RUFY3: variants seen among roughly 807,000 people sequenced by gnomAD.
RUFY3 encodes RUN and FYVE domain containing 3, also known as protein RUFY3.
In RUFY3, 34 loss-of-function variants were observed where a neutral mutation model predicts 84.0. The observed-to-expected ratio is 0.40, with a 90% confidence interval of 0.31 to 0.54. The LOEUF (loss-of-function observed/expected upper bound fraction) is 0.54, where lower values mean the gene tolerates loss of function less well. Ranked by LOEUF, RUFY3 falls within the 20% of genes least tolerant of loss-of-function variation. RUFY3 has a pLI of 0.39. For missense variants in RUFY3, 507 were observed against 736.8 expected (o/e 0.69, Z 3.61); for synonymous variants, 242 against 252.9 (o/e 0.96, Z 0.41).
chr4:70,789,814 A>C, intron 12 of RUFY3: 1 of 1,187,208 alleles, frequency 8.4e-7, no homozygotes. Context: ...AAAAAAAAAA[A>C]AGAAAGGTCA....
rs375178574 is a variant in RUFY3, at chr4:70,762,643, C to G, written c.303C>G (p.Leu101=). The change falls in exon 2 of 18, where the codon CTC becomes CTG. Residue 101 remains leucine, a synonymous_variant. Coordinates refer to ENST00000381006, the MANE Select transcript of RUFY3 (RefSeq NM_001037442.4). Reference sequence around the variant, plus strand: ...CTCTTGACTCTGACTATGCACCTCTCCAGCAATTCTTTGTGGTGATGGAGC... The same window carrying G: ...CTCTTGACTCTGACTATGCACCTCTGCAGCAATTCTTTGTGGTGATGGAGC... ...GRTLDSDYAP[L]QQFFVVMEHC... 13 of 1,613,842 alleles carry G rather than the reference C, an allele frequency of 8.1e-6. No homozygotes were observed. The highest frequency in any genetic ancestry group is 1.1e-5 in the Non-Finnish European group (13 of 1,179,952).
At chr4:70,774,644 A>AAAAAAAATATATATATATATAT (rs1553916771) in intron 6 of RUFY3, among the ~76,000 whole-genome samples, 1 of 56,676 alleles carries the variant, frequency 1.8e-5, no homozygotes, top group African/African-American at 8.4e-5. Context: ...AAAAAAAAAA[A>AAAAAAAATATATATATATATAT]ATATATATAT....
intron 12 of RUFY3, chr4:70,789,974 T>A: frequency 1.2e-6 from 1 of 839,854 alleles, no homozygotes; most frequent in Non-Finnish European, 1.4e-6. Flanking sequence ...TTTGAATACT[T>A]GGATGCTAGG....
chr4:70,784,703 AT>A, intron 9 of RUFY3, 92 bp from the exon 10 acceptor site: 1 of 693,500 alleles, frequency 1.4e-6, no homozygotes, highest in East Asian at 3.1e-5. Flanking sequence ...CTGCTTCAGT[AT>A]GATCTTTTTT....
At chr4:70,762,069 ACT>A (rs1285019776) in intron 1 of RUFY3, among the ~76,000 whole-genome samples, 1 of 152,032 alleles carries the variant, frequency 6.6e-6, no homozygotes, top group Non-Finnish European at 1.5e-5. Flanking sequence ...TTATCCCAAC[ACT>A]CTGGGAGGTC....
intron 1 of RUFY3, among the ~76,000 whole-genome samples, chr4:70,728,905 C>G (rs1374899671): frequency 1.4e-5 from 2 of 147,870 alleles, no homozygotes; most frequent in Non-Finnish European, 3.0e-5. Flanking sequence ...TTAAATGAGG[C>G]CTTGAGATTT....
rs574938347 is a variant in RUFY3, at chr4:70,756,103, G to A, written c.179-6416G>A. The stretch of plus-strand genomic sequence containing the variant: ...GATCTGCACCATCGTCCATCTAATC[G>A]CCAAAACTACAAATAGGGAAGTTAC... On this transcript the variant is annotated intron_variant, in intron 1 of 17. Coordinates refer to ENST00000381006, the MANE Select transcript of RUFY3 (RefSeq NM_001037442.4). Among the ~76,000 whole-genome samples the A allele has an allele frequency of 1.1e-4, 16 of 152,010 alleles. No homozygotes were observed. The South Asian group carries it at 3.1e-3, about 30-fold the overall frequency.
At chr4:70,745,762 G>A (rs936469746) in intron 1 of RUFY3, among the ~76,000 whole-genome samples, 7 of 152,090 alleles carry the variant, frequency 4.6e-5, no homozygotes, top group East Asian at 3.9e-4. Context: ...GTGCCACATC[G>A]TCATTCAATA....
chr4:70,766,715 C>G (rs1254927893), intron 4 of RUFY3, among the ~76,000 whole-genome samples: 1 of 152,140 alleles, frequency 6.6e-6, no homozygotes, highest in African/African-American at 2.4e-5. Flanking sequence ...ATTGATGAAC[C>G]TACATTGACA....
At chr4:70,732,036 T>A (rs780870314) in intron 1 of RUFY3, among the ~76,000 whole-genome samples, 5 of 152,246 alleles carry the variant, frequency 3.3e-5, no homozygotes, top group Non-Finnish European at 7.3e-5. Flanking sequence ...CCAGTCAGAC[T>A]GTGCTTCAGT....
chr4:70,783,058 G>A, intron 8 of RUFY3, 33 bp from the exon 9 acceptor site: 1 of 1,290,212 alleles, frequency 7.8e-7, no homozygotes, highest in Admixed American at 1.9e-5. Context: ...ATTTTAAAAA[G>A]ATAAAAGATT....
chr4:70,705,884 C>A (rs971903333), intron 1 of RUFY3, among the ~76,000 whole-genome samples: 1 of 152,164 alleles, frequency 6.6e-6, no homozygotes, highest in African/African-American at 2.4e-5. Context: ...GATCCGTCCC[C>A]CGGATTGGAA....
chr4:70,716,256 C>T (rs977254736), intron 1 of RUFY3, among the ~76,000 whole-genome samples: 7 of 152,078 alleles, frequency 4.6e-5, no homozygotes, highest in Non-Finnish European at 1.0e-4. Flanking sequence ...AGCAATTCTC[C>T]TGCTTCAGTC....
At chr4:70,790,542 C>A (rs573481016) in intron 12 of RUFY3, among the ~76,000 whole-genome samples, 1 of 152,324 alleles carries the variant, frequency 6.6e-6, no homozygotes, top group East Asian at 1.9e-4. Context: ...GCCACCTCCC[C>A]AGAGTTTCCT....
chr4:70,768,729 T>G (rs1044964838), intron 5 of RUFY3, 68 bp downstream of exon 5: 1 of 1,522,550 alleles, frequency 6.6e-7, no homozygotes, highest in East Asian at 2.3e-5. Context: ...TGGATTTGAT[T>G]AGGTTATACC....
At chr4:70,769,657 G>A (rs112099462) in intron 5 of RUFY3, among the ~76,000 whole-genome samples, 1 of 152,192 alleles carries the variant, frequency 6.6e-6, no homozygotes, top group African/African-American at 2.4e-5. Flanking sequence ...ATACCACGCT[G>A]TTTGACAGCA....
At chr4:70,732,804 A>C (rs986905881) in intron 1 of RUFY3, among the ~76,000 whole-genome samples, 6 of 152,080 alleles carry the variant, frequency 3.9e-5, no homozygotes, top group Non-Finnish European at 7.4e-5. Flanking sequence ...GAAATACCTA[A>C]TATAAATGAC....
At position 70,784,703 on chromosome 4, in the gene RUFY3, A is replaced by G. The variant is rs146358932; in HGVS notation, c.988-93A>G. 1.6e-3 allele frequency: 1,089 copies of G among 693,490 alleles called. 2 individuals carry two copies. Among genetic ancestry groups the G allele is most frequent in the East Asian group, 4.3e-3 (137 of 31,768 alleles). The allele number at this position is 693,490 out of a possible 1,614,324, so 43.0% of individuals were successfully genotyped here. ...TGTTCATTATTATACCTGCTTCAGT[A>G]TGATCTTTTTTTCTTGCTAAGTAGC... On this transcript the variant is annotated intron_variant, in intron 9 of 17. Transcript: ENST00000381006.
chr4:70,805,541 T>C (rs1457615352), intron 17 of RUFY3, among the ~76,000 whole-genome samples: 2 of 152,254 alleles, frequency 1.3e-5, no homozygotes, highest in African/African-American at 2.4e-5. Flanking sequence ...TAGCACCATC[T>C]GTGATCATGC....
Sources: allele counts gnomAD v4.1 joint callset (sites outside exome capture counted in the v4.1 genomes callset), GRCh38; gene constraint gnomAD v4.1.1; transcripts MANE v1.5; gene names NCBI Gene and HGNC (gene_info 2026-07-23, HGNC 2026-07-21).